The following PDE3A variants were observed in gnomAD, a reference collection of about 807,000 sequenced individuals.
The protein encoded by PDE3A is cGMP-inhibited 3',5'-cyclic phosphodiesterase 3A.
A neutral mutation model predicts 98.3 loss-of-function variants in PDE3A; 43 were observed. The observed-to-expected ratio is 0.44, with a 90% CI of 0.34 to 0.56. The LOEUF (loss-of-function observed/expected upper bound fraction) is 0.56. Among genes scored for constraint, PDE3A ranks in the 20% least tolerant of loss-of-function variants. PDE3A has a pLI of 0.01. For synonymous variants in PDE3A, 663 were observed against 567.9 expected (o/e 1.17, Z -2.38); for missense variants, 1,427 against 1,440.7 (o/e 0.99, Z 0.15).
chr12:20,468,825 A>T (rs1366892743), intron 1 of PDE3A, among the ~76,000 whole-genome samples: 1 of 152,208 alleles, frequency 6.6e-6, no homozygotes, highest in Non-Finnish European at 1.5e-5. Flanking sequence ...TGGAAGAGCC[A>T]CTAAGCATCC....
chr12:20,634,693 C>T (rs1467071895), intron 7 of PDE3A, among the ~76,000 whole-genome samples: 2 of 152,072 alleles, frequency 1.3e-5, no homozygotes, highest in Admixed American at 6.5e-5. Context: ...GAATGTCATG[C>T]GGATTACAGA....
chr12:20,622,964 T>G (rs1390020168), intron 5 of PDE3A, among the ~76,000 whole-genome samples: 2 of 152,056 alleles, frequency 1.3e-5, no homozygotes, highest in African/African-American at 4.8e-5. Context: ...TATAACTTTC[T>G]AGATCTGTAA....
chr12:20,404,734 A>G (rs1193842677), intron 1 of PDE3A, among the ~76,000 whole-genome samples: 1 of 151,726 alleles, frequency 6.6e-6, no homozygotes, highest in Non-Finnish European at 1.5e-5. Flanking sequence ...TATATGTCTA[A>G]ATTATTTCCT....
At position 20,552,628 on chromosome 12, in the gene PDE3A, A is replaced by G. The variant is rs915952839; in HGVS notation, c.961-4032A>G. ...GGCCGGGTCCCCGCGCCGGACATCC[A>G]AGAAAACCAAGGTGGAGCCCTACAG... On this transcript the variant is annotated intron_variant, in intron 1 of 15. Transcript: ENST00000359062. The surrounding 1 kb of genome is among the most constrained non-coding windows in gnomAD (Gnocchi z 5.1). 7 of 1,613,744 alleles carry G rather than the reference A, an allele frequency of 4.3e-6. No individual in the cohort carries two copies. The highest frequency in any genetic ancestry group is 5.9e-6 in the Non-Finnish European group (7 of 1,179,834).
intron 2 of PDE3A, among the ~76,000 whole-genome samples, chr12:20,569,407 G>A (rs1942740106): frequency 6.6e-6 from 1 of 151,976 alleles, no homozygotes; most frequent in Non-Finnish European, 1.5e-5. Flanking sequence ...TTATTTATGA[G>A]GGAATTAGGG....
intron 1 of PDE3A, among the ~76,000 whole-genome samples, chr12:20,378,100 A>T (rs1240069300): frequency 6.6e-6 from 1 of 151,760 alleles, no homozygotes; most frequent in East Asian, 1.9e-4. Flanking sequence ...TACCACTTTC[A>T]TGGAAACACA....
chr12:20,647,184 A>G (rs967573880), intron 12 of PDE3A, among the ~76,000 whole-genome samples: 3 of 152,186 alleles, frequency 2.0e-5, no homozygotes, highest in Non-Finnish European at 2.9e-5. Context: ...TTTTCTTCTT[A>G]GGAAGAAAAC....
chr12:20,631,920 G>T (rs1351846100), intron 6 of PDE3A, among the ~76,000 whole-genome samples: 1 of 131,698 alleles, frequency 7.6e-6, no homozygotes, highest in Middle Eastern at 3.8e-3. Context: ...GAGAGCTCCA[G>T]AAACACACAA....
At chr12:20,556,113 T>C (rs144489306) in intron 1 of PDE3A, among the ~76,000 whole-genome samples, 2,047 of 152,288 alleles carry the variant, frequency 0.013, 29 homozygotes, top group Middle Eastern at 0.031. Flanking sequence ...ATTACCACCA[T>C]AGGAATAACG....
intron 1 of PDE3A, among the ~76,000 whole-genome samples, chr12:20,529,848 G>A (rs1299026171): frequency 1.3e-5 from 2 of 152,154 alleles, no homozygotes; most frequent in Non-Finnish European, 2.9e-5. Context: ...TAGTAGTCAT[G>A]GTCTCCTGGA....
In PDE3A at chr12:20,370,022, G is replaced by T; in HGVS notation, c.738G>T (p.Val246=). 1 of 1,613,018 alleles carries T rather than the reference G, an allele frequency of 6.2e-7. No homozygotes were observed. Among genetic ancestry groups the T allele is most frequent in the Non-Finnish European group, 8.5e-7 (1 of 1,179,946 alleles). ...CTTACCTGGCGTACCTGGCCGGCGT[G>T]CTGGGGATCCTCTTGGCCAGGTACG... ...WRPYLAYLAG[V]LGILLARYVE... Residue 246 remains valine, a synonymous_variant, in exon 1 of 16, where the codon GTG becomes GTT. Coordinates refer to ENST00000359062, the MANE Select transcript of PDE3A (RefSeq NM_000921.5).
chr12:20,554,404 T>TA (rs568714063), intron 1 of PDE3A, among the ~76,000 whole-genome samples: 38 of 120,990 alleles, frequency 3.1e-4, no homozygotes, highest in African/African-American at 8.4e-4. Context: ...TAGATTTATT[T>TA]AATTTTTTTT....
chr12:20,612,662 ATATAGTTACT>A (rs67082101), intron 2 of PDE3A, among the ~76,000 whole-genome samples: 574 of 11,158 alleles, frequency 0.051, 33 homozygotes, highest in East Asian at 0.1. Flanking sequence ...TATATAAGTA[ATATAGTTACT>A]TATATAAGTA....
At chr12:20,439,807 A>G (rs1364895670) in intron 1 of PDE3A, among the ~76,000 whole-genome samples, 1 of 152,162 alleles carries the variant, frequency 6.6e-6, no homozygotes, top group Admixed American at 6.6e-5. Context: ...CAGATTTTCC[A>G]TGACAGAATA....
At position 20,684,465 on chromosome 12, in the gene PDE3A, T is replaced by C. The variant is rs530355252; in HGVS notation, c.*4194T>C. 18 of 152,290 alleles carry C rather than the reference T, an allele frequency of 1.2e-4. No homozygotes were observed. In the East Asian group the frequency reaches 3.3e-3, roughly 28 times the overall value. 9.4% of individuals were successfully genotyped at this position (152,290 alleles called of 1,614,324 possible). A position where few individuals can be genotyped will look rare whatever the true frequency, so the allele number is the denominator to read the frequency against. On this transcript the variant is annotated 3_prime_UTR_variant, in exon 16 of 16. Transcript: ENST00000359062. ...CCCTTATTTAGAGATTATTAGCTAA[T>C]GTGTGAAAGAAATATCAATAGAAGT...
chr12:20,489,502 T>C (rs1430015656), intron 1 of PDE3A, among the ~76,000 whole-genome samples: 2 of 152,186 alleles, frequency 1.3e-5, no homozygotes, highest in African/African-American at 4.8e-5. Flanking sequence ...AAATAACTAT[T>C]TGGTTTGTCC....
chr12:20,668,789 C>T (rs1211265722), intron 15 of PDE3A, among the ~76,000 whole-genome samples: 13 of 151,588 alleles, frequency 8.6e-5, no homozygotes, highest in Non-Finnish European at 1.3e-4. Flanking sequence ...AAAAGCAGAG[C>T]ACCAATCCTC....
rs74344290 is a variant in PDE3A, at chr12:20,571,587, C to T, written c.1011+14877C>T. On this transcript the variant is annotated intron_variant, in intron 2 of 15. Transcript: ENST00000359062. ...AAACAAGGCCTGTTTTTTTCTGACT[C>T]CTAGCTTTTCTACCAGTATCTTACC... 8.0e-3 allele frequency among the ~76,000 whole-genome samples: 1,211 copies of T among 152,166 alleles called. 16 individuals are homozygous for T. The highest frequency in any genetic ancestry group is 0.028 in the African/African-American group (1,159 of 41,538).
intron 2 of PDE3A, among the ~76,000 whole-genome samples, chr12:20,587,750 C>G (rs1943229242): frequency 6.6e-6 from 1 of 152,196 alleles, no homozygotes; most frequent in Non-Finnish European, 1.5e-5. Flanking sequence ...GACCTGTTCC[C>G]AGCATTTTAA....
Sources: gnomAD v4.1 joint callset for allele counts (sites outside exome capture counted in the v4.1 genomes callset) on GRCh38, gnomAD v4.1.1 for gene constraint, Gnocchi (gnomAD v3.1) non-coding constraint, MANE v1.5 for transcripts, NCBI Gene and HGNC (gene_info 2026-07-23, HGNC 2026-07-21) for gene names.